The following XKR4 variants were observed in gnomAD, a reference collection of about 807,000 sequenced individuals.
The protein encoded by XKR4 is XK related 4.
A neutral mutation model predicts 53.9 loss-of-function variants in XKR4; 12 were observed. The observed-to-expected ratio is 0.22, with a 90% CI of 0.14 to 0.36. The LOEUF (loss-of-function observed/expected upper bound fraction) is 0.36. Among genes scored for constraint, XKR4 ranks in the 10% least tolerant of loss-of-function variants. The pLI is 1.00. For synonymous variants in XKR4, 354 were observed against 362.4 expected, an observed-to-expected ratio of 0.98 and a Z score of 0.26; for missense variants, 799 against 859.5, an observed-to-expected ratio of 0.93 and a Z score of 0.88.
chr8:55,459,921 C>A (rs1444451681), intron 2 of XKR4, among the ~76,000 whole-genome samples: 2 of 150,702 alleles, frequency 1.3e-5, no homozygotes, highest in African/African-American at 4.9e-5. Flanking sequence ...ATTCCATTCC[C>A]AGGTAACTTC....
At chr8:55,328,755 C>T (rs1297229503) in intron 1 of XKR4, among the ~76,000 whole-genome samples, 1 of 152,188 alleles carries the variant, frequency 6.6e-6, no homozygotes, top group Non-Finnish European at 1.5e-5. Flanking sequence ...GCCCCTTGTG[C>T]TTGCACTGCC....
At chr8:55,201,156 A>G (rs969798644) in intron 1 of XKR4, among the ~76,000 whole-genome samples, 2 of 152,242 alleles carry the variant, frequency 1.3e-5, no homozygotes, top group Non-Finnish European at 2.9e-5. Flanking sequence ...AATTGACTTT[A>G]TGTCTGCTAG....
Position 55,181,942 on chromosome 8 carries a change from T to G in XKR4, c.806+78648T>G, listed in dbSNP as rs143360637. Among the ~76,000 whole-genome samples the G allele has an allele frequency of 5.3e-5, 8 of 152,330 alleles. No homozygotes were observed. The East Asian group carries it at 1.5e-3, about 29-fold the overall frequency. ...TGCTATATGTTATTAAAATATTTGT[T>G]TTTGTTGATTTTCAGCATCTAAAAG... On this transcript the variant is annotated intron_variant, in intron 1 of 2. Transcript: ENST00000327381.
intron 2 of XKR4, among the ~76,000 whole-genome samples, chr8:55,411,409 T>G (rs1804776663): frequency 6.6e-6 from 1 of 152,172 alleles, no homozygotes; most frequent in Middle Eastern, 3.2e-3. Context: ...TTTTAAAAAA[T>G]TATCATTGTT....
chr8:55,172,429 T>G (rs969426196), intron 1 of XKR4, among the ~76,000 whole-genome samples: 2 of 152,168 alleles, frequency 1.3e-5, no homozygotes, highest in Admixed American at 6.5e-5. Flanking sequence ...CTGCTCCAAA[T>G]TGGTAAAAAA....
At chr8:55,508,108 A>G (rs906828054) in intron 2 of XKR4, among the ~76,000 whole-genome samples, 51 of 152,230 alleles carry the variant, frequency 3.4e-4, no homozygotes, top group Admixed American at 5.2e-4. Flanking sequence ...GCTAGCATAC[A>G]AATTCCTAAT....
intron 2 of XKR4, among the ~76,000 whole-genome samples, chr8:55,397,584 T>C (rs1376953684): frequency 1.3e-5 from 1 of 76,036 alleles, no homozygotes; most frequent in Admixed American, 1.1e-4. Flanking sequence ...CGAAGTTCAA[T>C]GTTTTTTTTT....
chr8:55,419,943 CA>C (rs1316221268), intron 2 of XKR4, among the ~76,000 whole-genome samples: 3 of 152,210 alleles, frequency 2.0e-5, no homozygotes, highest in Non-Finnish European at 4.4e-5. Context: ...GCTGGTAACA[CA>C]ATGATAAAAG....
intron 1 of XKR4, among the ~76,000 whole-genome samples, chr8:55,342,272 A>C (rs79676672): frequency 1.3e-4 from 20 of 152,086 alleles, no homozygotes; most frequent in African/African-American, 4.6e-4. Context: ...TTAACTTCAA[A>C]ATAAATACCC....
intron 1 of XKR4, among the ~76,000 whole-genome samples, chr8:55,303,728 G>T (rs1392353320): frequency 6.6e-6 from 1 of 152,106 alleles, no homozygotes; most frequent in Non-Finnish European, 1.5e-5. Context: ...AGTCTTGGGA[G>T]GGTGTATGTG....
chr8:55,430,475 C>T (rs1053627242), intron 2 of XKR4, among the ~76,000 whole-genome samples: 2 of 152,122 alleles, frequency 1.3e-5, no homozygotes, highest in African/African-American at 4.8e-5. Flanking sequence ...CTAGATTATA[C>T]AAATACTGAG....
rs559151385 is a variant in XKR4 at position 55,535,870 on chromosome 8, C to A, written c.*11643C>A. On this transcript the variant is annotated 3_prime_UTR_variant, in exon 3 of 3. Transcript: ENST00000327381. Reference sequence around the variant, plus strand: ...TGACTCTGTCATTAGGGGAACCCACCCCCTGTGATAGTTCTCCTTGACCAC... The same window carrying A: ...TGACTCTGTCATTAGGGGAACCCACACCCTGTGATAGTTCTCCTTGACCAC... 6.6e-6 allele frequency: 1 copy of A among 152,304 alleles called. No individual in the cohort carries two copies. Among genetic ancestry groups the A allele is most frequent in the Non-Finnish European group, 1.5e-5 (1 of 68,030 alleles). 9.4% of individuals were successfully genotyped at this position (152,304 alleles called of 1,614,324 possible).
intron 2 of XKR4, among the ~76,000 whole-genome samples, chr8:55,426,702 A>G (rs887528752): frequency 1.3e-5 from 2 of 152,222 alleles, no homozygotes; most frequent in African/African-American, 4.8e-5. Context: ...AGGCTCTGAT[A>G]TTTAGGATAA....
intron 1 of XKR4, among the ~76,000 whole-genome samples, chr8:55,126,062 T>A (rs1816464097): frequency 6.6e-6 from 1 of 152,170 alleles, no homozygotes; most frequent in Non-Finnish European, 1.5e-5. Flanking sequence ...AACTCACTTC[T>A]GGTGCATCTT....
chr8:55,246,618 C>A (rs749334028), intron 1 of XKR4, among the ~76,000 whole-genome samples: 2 of 152,010 alleles, frequency 1.3e-5, no homozygotes, highest in East Asian at 3.9e-4. Flanking sequence ...GTTTTTCAAT[C>A]TGGGATGGAT....
chr8:55,521,233 A>G (rs912300584), intron 2 of XKR4, among the ~76,000 whole-genome samples: 4 of 152,258 alleles, frequency 2.6e-5, no homozygotes, highest in African/African-American at 9.6e-5. Flanking sequence ...GAAGAGAGAT[A>G]TGAGCGGCTT....
intron 2 of XKR4, among the ~76,000 whole-genome samples, chr8:55,492,236 T>C (rs1806282900): frequency 6.6e-6 from 1 of 152,198 alleles, no homozygotes; most frequent in South Asian, 2.1e-4. Flanking sequence ...TCTAGTTGTT[T>C]ATGGAAAGGA....
intron 1 of XKR4, among the ~76,000 whole-genome samples, chr8:55,197,823 G>A (rs933872855): frequency 7.9e-5 from 12 of 152,152 alleles, no homozygotes; most frequent in Admixed American, 2.0e-4. Flanking sequence ...GATTACAGGC[G>A]TGAGCCACCA....
At position 55,516,124 on chromosome 8, in the gene XKR4, T is replaced by C. The variant is rs376894032; in HGVS notation, c.1007-7157T>C. Among the ~76,000 whole-genome samples, 4 of 152,352 alleles carry C rather than the reference T, an allele frequency of 2.6e-5. No individual in the cohort carries two copies. The East Asian group carries it at 7.7e-4, about 29-fold the overall frequency. ...TATGACACTTATATTGCACAAAGGC[T>C]GTAGTTGCCTAACATATCACTGTGC... is the stretch of plus-strand genomic sequence containing the variant. On this transcript the variant is annotated intron_variant, in intron 2 of 2. Transcript: ENST00000327381.
Sources: allele counts gnomAD v4.1 joint callset (sites outside exome capture counted in the v4.1 genomes callset), GRCh38; gene constraint gnomAD v4.1.1; transcripts MANE v1.5; gene names NCBI Gene and HGNC (gene_info 2026-07-23, HGNC 2026-07-21).